The following GABRA6 variants were observed in gnomAD, a reference collection of about 807,000 sequenced individuals.
GABRA6 encodes gamma-aminobutyric acid receptor subunit alpha-6.
In GABRA6, 45 loss-of-function variants were observed where a neutral mutation model predicts 47.3. The observed-to-expected ratio is 0.95, with a 90% CI of 0.75 to 1.22. The LOEUF (loss-of-function observed/expected upper bound fraction) is 1.22, where lower values mean the gene tolerates loss of function less well. Among genes scored for constraint, GABRA6 ranks in the 50% most tolerant of loss-of-function variants. The pLI is 0.00. For missense variants in GABRA6, 583 were observed against 549.3 expected (o/e 1.06, Z -0.61); for synonymous variants, 219 against 194.7 (o/e 1.12, Z -1.04).
intron 8 of GABRA6, among the ~76,000 whole-genome samples, chr5:161,700,693 T>C (rs1393849727): frequency 6.6e-6 from 1 of 152,182 alleles, no homozygotes; most frequent in Non-Finnish European, 1.5e-5. Flanking sequence ...TAGTTGATTG[T>C]GTCATGATTT....
At position 161,701,822 on chromosome 5, in the gene GABRA6, C is replaced by T; in HGVS notation, c.*49C>T. On this transcript the variant is annotated 3_prime_UTR_variant, in exon 9 of 9. Transcript: ENST00000274545. ...TCTATAAGTTCTTGTTTTCTGTTTC[C>T]TATGTTTTCTTAAAAAATAGCATTG... 7 of 1,591,880 alleles carry T rather than the reference C, an allele frequency of 4.4e-6. No homozygotes were observed. The South Asian group carries it at 5.5e-5, about 13-fold the overall frequency.
Position 161,701,500 on chromosome 5 carries a change from T to C in GABRA6, c.1089T>C (p.His363=), listed in dbSNP as rs776542439. 15 of 1,614,130 alleles carry C rather than the reference T, an allele frequency of 9.3e-6. No homozygotes were observed. In the South Asian group the frequency reaches 1.6e-4, roughly 18 times the overall value. The change falls in exon 9 of 9, where the codon CAT becomes CAC. Residue 363 remains histidine, a splice_region_variant and synonymous_variant. Coordinates refer to ENST00000274545, the MANE Select transcript of GABRA6 (RefSeq NM_000811.3). ...TAATATTTGTCTTTTTTCCACAGCA[T>C]CCTGACTCCAAATATCATCTGAAGA... ...TEPLEAEIVL[H]PDSKYHLKKR...
intron 8 of GABRA6, among the ~76,000 whole-genome samples, chr5:161,698,850 G>A (rs1159690091): frequency 1.3e-5 from 2 of 152,030 alleles, no homozygotes; most frequent in Non-Finnish European, 2.9e-5. Context: ...TGCTAATGTA[G>A]GAAATCTTTA....
intron 8 of GABRA6, among the ~76,000 whole-genome samples, chr5:161,694,545 T>C (rs962350675): frequency 6.6e-6 from 1 of 152,102 alleles, no homozygotes; most frequent in Non-Finnish European, 1.5e-5. Flanking sequence ...CAGGTTTTGA[T>C]ATAAACTGTC....
chr5:161,686,379 C>A lies in GABRA6; in HGVS notation c.157+31C>A, dbSNP rs372211814. ...AAGCTGCATCTTTGCTACACAAACA[C>A]CTGTAGTTTCCTTCCTCCGTTTCTG... On this transcript the variant is annotated intron_variant, in intron 2 of 8. Transcript: ENST00000274545. The A allele has an allele frequency of 4.7e-6, 7 of 1,485,724 alleles. No homozygotes were observed. In the African/African-American group the frequency reaches 5.5e-5, roughly 12 times the overall value. 92.0% of individuals were successfully genotyped at this position (1,485,724 alleles called of 1,614,324 possible).
At chr5:161,686,075 G>C (rs761508240) in intron 1 of GABRA6, 48 bp downstream of exon 1, 73 of 1,567,394 alleles carry the variant, frequency 4.7e-5, no homozygotes, top group Non-Finnish European at 6.0e-5. Context: ...TCAGAGGAAA[G>C]GAAAAGTATA....
At position 161,690,346 on chromosome 5, in the gene GABRA6, T is replaced by C; in HGVS notation, c.819T>C (p.Thr273=). 1 of 1,613,324 alleles carries C rather than the reference T, an allele frequency of 6.2e-7. No individual in the cohort carries two copies. Among genetic ancestry groups the C allele is most frequent in the Middle Eastern group, 1.7e-4 (1 of 6,058 alleles). Reference sequence around the variant, plus strand: ...ATAAGGAGTCCGTCCCAGCAAGAACTGTTTTTGGTATATGTCACATTTTGT... The same window carrying C: ...ATAAGGAGTCCGTCCCAGCAAGAACCGTTTTTGGTATATGTCACATTTTGT... The part of the protein sequence containing the change: ...WINKESVPAR[T]VFGITTVLTM... The change falls in exon 7 of 9, where the codon ACT becomes ACC. Residue 273 remains threonine, a synonymous_variant. Transcript: ENST00000274545.
intron 3 of GABRA6, among the ~76,000 whole-genome samples, chr5:161,688,660 A>G (rs562191287): frequency 3.9e-5 from 6 of 152,296 alleles, no homozygotes; most frequent in East Asian, 3.9e-4. Context: ...AGAAGGACAT[A>G]TTGATAGATG....
chr5:161,688,979 A>G lies in GABRA6; in HGVS notation c.256A>G (p.Thr86Ala). The G allele has an allele frequency of 6.2e-7, 1 of 1,613,934 alleles. No homozygotes were observed. Among genetic ancestry groups the G allele is most frequent in the African/African-American group, 1.3e-5 (1 of 75,010 alleles). Residue 86 changes from threonine (T) to alanine (A), a missense_variant, in exon 4 of 9, where the codon ACC becomes GCC. Transcript: ENST00000274545. ...TACGATGGATGTTTTTTTCCGCCAG[A>G]CCTGGACTGATGAGAGGTTGAAGTT... ...EYTMDVFFRQ[T>A]WTDERLKFGG... is the part of the protein sequence containing the mutation.
intron 3 of GABRA6, 25 bp downstream of exon 3, chr5:161,687,028 G>T (rs767936398): frequency 9.3e-6 from 15 of 1,605,618 alleles, no homozygotes; most frequent in Admixed American, 1.7e-5. Context: ...AGTGAGTTGG[G>T]TGTTTTCATT....
intron 8 of GABRA6, among the ~76,000 whole-genome samples, chr5:161,696,707 G>A (rs1754892208): frequency 2.0e-5 from 3 of 152,140 alleles, no homozygotes; most frequent in South Asian, 2.1e-4. Flanking sequence ...CTGTGTGTCT[G>A]TAGAAATTCT....
At chr5:161,690,448 A>G (rs1754772356) in intron 7 of GABRA6, 95 bp downstream of exon 7, 3 of 1,234,646 alleles carry the variant, frequency 2.4e-6, no homozygotes, top group African/African-American at 3.0e-5. Context: ...CACTTTTTCA[A>G]TCCACAAAGA....
intron 8 of GABRA6, among the ~76,000 whole-genome samples, chr5:161,695,350 G>T (rs1754868956): frequency 6.6e-6 from 1 of 151,910 alleles, no homozygotes; most frequent in African/African-American, 2.4e-5. Context: ...TATGGAATTG[G>T]ATATTTTATT....
At chr5:161,689,606 T>C in intron 5 of GABRA6, 30 bp from the exon 6 acceptor site, 1 of 1,579,830 alleles carries the variant, frequency 6.3e-7, no homozygotes, top group South Asian at 1.1e-5. Flanking sequence ...TCAAATTCAC[T>C]GCTATATTTA....
intron 8 of GABRA6, among the ~76,000 whole-genome samples, chr5:161,695,970 G>C (rs1401674435): frequency 6.6e-6 from 1 of 152,152 alleles, no homozygotes; most frequent in Non-Finnish European, 1.5e-5. Flanking sequence ...CCCTCATGGA[G>C]CTTCTTGTCC....
intron 8 of GABRA6, among the ~76,000 whole-genome samples, chr5:161,692,440 G>T (rs1446036221): frequency 6.6e-6 from 1 of 152,194 alleles, no homozygotes; most frequent in Non-Finnish European, 1.5e-5. Context: ...TATACTGGCA[G>T]ATTCCAGGCT....
In GABRA6 at chr5:161,701,562, C is replaced by A. The variant is rs571623449; in HGVS notation, c.1151C>A (p.Ser384Tyr). 2 of 1,614,194 alleles carry A rather than the reference C, an allele frequency of 1.2e-6. No homozygotes were observed. Among genetic ancestry groups the A allele is most frequent in the South Asian group, 2.2e-5 (2 of 91,086 alleles). ...TCTCTGTCTTTGCCAATAGTTTCAT[C>A]TTCCGAGGCCAATAAAGTGCTCACG... ...ITSLSLPIVSSSEANKVLTRA... is the reference protein window; with the variant it reads ...ITSLSLPIVSYSEANKVLTRA... The change falls in exon 9 of 9, where the codon TCT becomes TAT. Residue 384 changes from serine to tyrosine, a missense_variant. Transcript: ENST00000274545.
intron 1 of GABRA6, 22 bp downstream of exon 1, chr5:161,686,049 G>C (rs895010288): frequency 6.2e-7 from 1 of 1,611,254 alleles, no homozygotes; most frequent in African/African-American, 1.3e-5. Context: ...CCTTTTTCCT[G>C]ATTTTTCTTT....
In GABRA6 at chr5:161,685,867, G is replaced by A; in HGVS notation, c.-123G>A. 1 of 849,420 alleles carries A rather than the reference G, an allele frequency of 1.2e-6. No individual in the cohort carries two copies. Among genetic ancestry groups the A allele is most frequent in the South Asian group, 1.3e-5 (1 of 74,492 alleles). 52.6% of individuals were successfully genotyped at this position (849,420 alleles called of 1,614,324 possible). A position where few individuals can be genotyped will look rare whatever the true frequency, so the allele number is the denominator to read the frequency against. On this transcript the variant is annotated 5_prime_UTR_variant, in exon 1 of 9. Transcript: ENST00000274545. ...TTTATCTATTGGATTACTGACTTGA[G>A]GCAAACAAGGAACAGAGATATGAAG...
Sources: gnomAD v4.1 joint callset for allele counts (sites outside exome capture counted in the v4.1 genomes callset) on GRCh38, gnomAD v4.1.1 for gene constraint, MANE v1.5 for transcripts, NCBI Gene and HGNC (gene_info 2026-07-23, HGNC 2026-07-21) for gene names.